MTHFD1L: variants seen among roughly 807,000 people sequenced by gnomAD.
MTHFD1L encodes the protein methylenetetrahydrofolate dehydrogenase (NADP+ dependent) 1 like, also known as monofunctional C1-tetrahydrofolate synthase, mitochondrial.
A neutral mutation model predicts 119.5 loss-of-function variants in MTHFD1L; 81 were observed. The ratio of observed to expected loss-of-function variants is 0.68; its 90% CI spans 0.57 to 0.82. The LOEUF is 0.82. MTHFD1L is among the 40% of genes least tolerant of loss of function. MTHFD1L has a pLI of 0.00. For synonymous variants in MTHFD1L, 430 were observed against 475.2 expected (o/e 0.90, Z 1.24); for missense variants, 1,125 against 1,253.4 (o/e 0.90, Z 1.55).
At chr6:151,004,066 C>A (rs2128470685) in intron 20 of MTHFD1L, among the ~76,000 whole-genome samples, 2 of 149,856 alleles carry the variant, frequency 1.3e-5, no homozygotes, top group East Asian at 4.0e-4. Context: ...AATCTGAGTC[C>A]TGGCCAGGAC....
intron 16 of MTHFD1L, among the ~76,000 whole-genome samples, chr6:150,949,655 G>A (rs981631220): frequency 3.9e-5 from 6 of 152,040 alleles, no homozygotes; most frequent in African/African-American, 1.2e-4. Flanking sequence ...CATCCAGGTG[G>A]AGTCCCCGTG....
chr6:150,919,742 T>C lies in MTHFD1L; in HGVS notation c.984+1074T>C, dbSNP rs547078029. On this transcript the variant is annotated intron_variant, in intron 9 of 27. Transcript: ENST00000367321. ...ATCACAAGGACGCTACCGAGGGAGA[T>C]GATGCTAAACCATCATGAGAAACTA... 8.5e-5 allele frequency among the ~76,000 whole-genome samples: 13 copies of C among 152,280 alleles called. 1 individual carries two copies. Among genetic ancestry groups the C allele is most frequent in the African/African-American group, 2.9e-4 (12 of 41,562 alleles).
chr6:151,038,432 G>A (rs1786540772), intron 26 of MTHFD1L, among the ~76,000 whole-genome samples: 1 of 152,134 alleles, frequency 6.6e-6, no homozygotes, highest in Non-Finnish European at 1.5e-5. Context: ...CTGGGGATGG[G>A]AATGGGAATG....
intron 10 of MTHFD1L, among the ~76,000 whole-genome samples, 174 bp downstream of exon 10, chr6:150,922,476 A>C (rs563933174): frequency 6.6e-6 from 1 of 152,300 alleles, no homozygotes; most frequent in African/African-American, 2.4e-5. Context: ...AAATTAAATC[A>C]TAATGAATGT....
rs758670649 is a variant in MTHFD1L, at chr6:150,960,253, A to G, written c.1804-22A>G. ...CCCACTGGCACTGTCGCTGACCACT[A>G]CCTGTGTTTGGGCTGGTTCAGGCGC... On this transcript the variant is annotated intron_variant, in intron 17 of 27. Coordinates refer to ENST00000367321, the MANE Select transcript of MTHFD1L (RefSeq NM_015440.5). The G allele has an allele frequency of 5.0e-6, 8 of 1,602,576 alleles. No individual in the cohort carries two copies. The South Asian group carries it at 8.9e-5, about 18-fold the overall frequency.
At chr6:150,931,515 C>T (rs1791043858) in intron 11 of MTHFD1L, among the ~76,000 whole-genome samples, 1 of 152,112 alleles carries the variant, frequency 6.6e-6, no homozygotes, top group South Asian at 2.1e-4. Flanking sequence ...TTACCTAAGT[C>T]AAGTGTAATG....
chr6:150,957,166 T>G (rs1427437175), intron 17 of MTHFD1L, among the ~76,000 whole-genome samples: 2 of 152,196 alleles, frequency 1.3e-5, no homozygotes, highest in Non-Finnish European at 2.9e-5. Context: ...GTGTTCCCTA[T>G]GTTCAGAACA....
chr6:151,085,012 T>TA, intron 26 of MTHFD1L, among the ~76,000 whole-genome samples: 3 of 131,178 alleles, frequency 2.3e-5, no homozygotes, highest in Admixed American at 1.5e-4. Flanking sequence ...TATGTATATA[T>TA]TTATATATGT....
intron 15 of MTHFD1L, among the ~76,000 whole-genome samples, chr6:150,946,832 T>C (rs1476004805): frequency 2.0e-5 from 3 of 151,920 alleles, no homozygotes; most frequent in Non-Finnish European, 2.9e-5. Flanking sequence ...TCCCAGCACT[T>C]TGGGAGGCCG....
chr6:150,992,849 A>G (rs1047963636), intron 20 of MTHFD1L, among the ~76,000 whole-genome samples: 4 of 152,138 alleles, frequency 2.6e-5, no homozygotes, highest in African/African-American at 7.2e-5. Flanking sequence ...TCTCTCTGCA[A>G]ACGAAACCCA....
At chr6:150,932,816 G>GAGGAAGGAAGGAAAGAAAGA (rs769300755) in intron 11 of MTHFD1L, among the ~76,000 whole-genome samples, 7 of 119,484 alleles carry the variant, frequency 5.9e-5, no homozygotes, top group African/African-American at 2.3e-4. Context: ...GAGAGGGAGG[G>GAGGAAGGAAGGAAAGAAAGA]AGGAAGGAAG....
chr6:150,891,826 C>T (rs949375818), intron 7 of MTHFD1L, among the ~76,000 whole-genome samples: 1 of 152,016 alleles, frequency 6.6e-6, no homozygotes, highest in Non-Finnish European at 1.5e-5. Context: ...AGATCTAAAG[C>T]AAAGTGAAGT....
At chr6:150,923,422 A>G (rs888949021) in intron 10 of MTHFD1L, among the ~76,000 whole-genome samples, 5 of 152,016 alleles carry the variant, frequency 3.3e-5, no homozygotes, top group African/African-American at 1.2e-4. Flanking sequence ...TGTGCATAAT[A>G]CTAGGTGTGC....
chr6:151,088,142 G>C (rs2128644110), intron 26 of MTHFD1L: 1 of 152,246 alleles, frequency 6.6e-6, no homozygotes, highest in African/African-American at 2.4e-5. Flanking sequence ...GAATGCATAA[G>C]GTCTTGCTAA....
At chr6:150,866,445 G>C in intron 1 of MTHFD1L, 4 of 1,329,312 alleles carry the variant, frequency 3.0e-6, no homozygotes, top group Non-Finnish European at 3.8e-6. Flanking sequence ...AGCAGGAGGA[G>C]GGCGGGGCTG....
Position 150,926,358 on chromosome 6 carries a change from A to C in MTHFD1L, c.1256+63A>C. 7.0e-7 allele frequency: 1 copy of C among 1,435,472 alleles called. No homozygotes were observed. The highest frequency in any genetic ancestry group is 9.6e-7 in the Non-Finnish European group (1 of 1,038,734). The allele number at this position is 1,435,472 out of a possible 1,614,324, so 88.9% of individuals were successfully genotyped here. A position where few individuals can be genotyped will look rare whatever the true frequency, so the allele number is the denominator to read the frequency against. ...ATATTTACAAAACTCTTCCCTATTT[A>C]TCTCTCTCCTCGTACCCCTCAATCC... On this transcript the variant is annotated intron_variant, in intron 11 of 27. Coordinates refer to ENST00000367321, the MANE Select transcript of MTHFD1L (RefSeq NM_015440.5). The surrounding 1 kb of genome is among the most constrained non-coding windows in gnomAD (Gnocchi z 4.3).
chr6:150,937,052 A>C, intron 12 of MTHFD1L, 112 bp downstream of exon 12: 3 of 1,316,200 alleles, frequency 2.3e-6, no homozygotes, highest in Non-Finnish European at 3.1e-6. Context: ...GACTTGGTAC[A>C]TTTCTTCACT....
chr6:150,974,301 TC>T (rs569946113), intron 20 of MTHFD1L, among the ~76,000 whole-genome samples: 23 of 152,354 alleles, frequency 1.5e-4, no homozygotes, highest in African/African-American at 5.5e-4. Flanking sequence ...TAAGACTCAA[TC>T]CTTCTTGGCC....
intron 26 of MTHFD1L, among the ~76,000 whole-genome samples, chr6:151,076,356 A>T (rs898244343): frequency 2.6e-5 from 4 of 152,076 alleles, no homozygotes; most frequent in African/African-American, 9.7e-5. Context: ...GTCCCAAAGA[A>T]AAAAAAGATT....
Sources: gnomAD v4.1 joint callset for allele counts (sites outside exome capture counted in the v4.1 genomes callset) on GRCh38, gnomAD v4.1.1 for gene constraint, Gnocchi (gnomAD v3.1) non-coding constraint, MANE v1.5 for transcripts, NCBI Gene and HGNC (gene_info 2026-07-23, HGNC 2026-07-21) for gene names.